Variants in SMYD3 observed in about 807,000 individuals in gnomAD.
The protein encoded by SMYD3 is SET and MYND domain containing 3, also known as histone-lysine N-methyltransferase SMYD3.
In SMYD3, 36 loss-of-function variants were observed where a neutral mutation model predicts 57.7. That is an observed-to-expected ratio of 0.62 (90% confidence interval 0.48 to 0.82). The LOEUF is 0.82. Among genes scored for constraint, SMYD3 ranks in the 40% least tolerant of loss-of-function variants. The probability of loss-of-function intolerance (pLI) is 0.00; values close to 1 mark genes in which losing one functional copy is unlikely to be tolerated. For missense variants in SMYD3, 515 were observed against 538.8 expected (o/e 0.96, Z 0.44); for synonymous variants, 211 against 195.0 (o/e 1.08, Z -0.68).
intron 5 of SMYD3, among the ~76,000 whole-genome samples, chr1:246,265,035 G>A (rs556068726): frequency 1.3e-5 from 2 of 152,162 alleles, no homozygotes; most frequent in African/African-American, 2.4e-5. Context: ...GCATGCTAAT[G>A]AAATAATCCT....
At chr1:246,116,841 A>C (rs141811003) in intron 5 of SMYD3, among the ~76,000 whole-genome samples, 2,494 of 152,292 alleles carry the variant, frequency 0.016, 73 homozygotes, top group African/African-American at 0.058. Flanking sequence ...TCCTTTCAAC[A>C]AACGGGAAAA....
intron 5 of SMYD3, among the ~76,000 whole-genome samples, chr1:245,951,240 C>T (rs780458663): frequency 1.3e-5 from 2 of 151,856 alleles, no homozygotes; most frequent in Non-Finnish European, 1.5e-5. Flanking sequence ...CAGAAAGATG[C>T]GGGGGTGAAT....
At chr1:246,122,043 T>C (rs2061432420) in intron 5 of SMYD3, among the ~76,000 whole-genome samples, 1 of 148,554 alleles carries the variant, frequency 6.7e-6, no homozygotes, top group Non-Finnish European at 1.5e-5. Context: ...CCTTGCAGAA[T>C]GAACAGGAAG....
intron 1 of SMYD3, among the ~76,000 whole-genome samples, chr1:246,457,564 GAAAAGAAAAGA>G (rs2067722361): frequency 7.4e-6 from 1 of 134,596 alleles, no homozygotes; most frequent in African/African-American, 2.7e-5. Context: ...GAAAAGAAAA[GAAAAGAAAAGA>G]AAAAGAAAAA....
At chr1:245,782,900 T>C (rs1036677164) in intron 10 of SMYD3, among the ~76,000 whole-genome samples, 9 of 152,200 alleles carry the variant, frequency 5.9e-5, no homozygotes, top group Admixed American at 3.9e-4. Context: ...AGGGTAAGAC[T>C]GCCTGGCTGA....
chr1:246,331,947 G>A (rs1208323296), intron 3 of SMYD3, among the ~76,000 whole-genome samples: 1 of 143,482 alleles, frequency 7.0e-6, no homozygotes, highest in Non-Finnish European at 1.5e-5. Flanking sequence ...TAAATGTTGT[G>A]CGTGTTCTCA....
chr1:246,096,052 T>C (rs1472421556), intron 5 of SMYD3, among the ~76,000 whole-genome samples: 3 of 152,200 alleles, frequency 2.0e-5, no homozygotes, highest in African/African-American at 7.2e-5. Flanking sequence ...ACATAAAATA[T>C]TTCCCCCATG....
chr1:246,331,140 A>G (rs985513826), intron 3 of SMYD3, among the ~76,000 whole-genome samples: 2 of 152,228 alleles, frequency 1.3e-5, no homozygotes, highest in Non-Finnish European at 1.5e-5. Context: ...GTCTCAAAAA[A>G]GAAAAAAAGG....
intron 1 of SMYD3, among the ~76,000 whole-genome samples, chr1:246,440,977 G>A (rs1172250197): frequency 6.6e-6 from 1 of 152,118 alleles, no homozygotes; most frequent in Non-Finnish European, 1.5e-5. Context: ...AGGCCACTGG[G>A]AATTACACAC....
intron 1 of SMYD3, among the ~76,000 whole-genome samples, chr1:246,423,280 G>C (rs1572487594): frequency 6.9e-6 from 1 of 144,672 alleles, no homozygotes. Flanking sequence ...CTGGGCAATA[G>C]AGTGAGACTC....
At chr1:246,440,972 A>C (rs192784857) in intron 1 of SMYD3, among the ~76,000 whole-genome samples, 134 of 152,236 alleles carry the variant, frequency 8.8e-4, no homozygotes, top group African/African-American at 2.7e-3. Flanking sequence ...GTTGAAGGCC[A>C]CTGGGAATTA....
At chr1:246,295,297 A>C (rs569336652) in intron 5 of SMYD3, among the ~76,000 whole-genome samples, 2 of 152,314 alleles carry the variant, frequency 1.3e-5, no homozygotes, top group South Asian at 4.1e-4. Flanking sequence ...GCAGCATAAA[A>C]GATCCTACCC....
intron 5 of SMYD3, among the ~76,000 whole-genome samples, chr1:246,153,216 T>C (rs2061971423): frequency 6.6e-6 from 1 of 152,048 alleles, no homozygotes; most frequent in Non-Finnish European, 1.5e-5. Flanking sequence ...CCAACCCCCA[T>C]AAACAGCATT....
intron 8 of SMYD3, among the ~76,000 whole-genome samples, chr1:245,912,074 C>T (rs898025195): frequency 6.6e-6 from 1 of 152,008 alleles, no homozygotes; most frequent in Non-Finnish European, 1.5e-5. Flanking sequence ...ACATTGTCCT[C>T]CCTTTGCAGA....
intron 5 of SMYD3, chr1:246,326,711 C>T (rs2065359210): frequency 3.5e-6 from 1 of 287,178 alleles, no homozygotes. Flanking sequence ...TTGCAGTGAG[C>T]CGAGATCGCA....
At chr1:246,462,874 A>G (rs928550361) in intron 1 of SMYD3, among the ~76,000 whole-genome samples, 34 of 152,156 alleles carry the variant, frequency 2.2e-4, no homozygotes, top group African/African-American at 7.5e-4. Context: ...AATTGAGTAG[A>G]AAAAAAGAAA....
At chr1:246,049,498 G>A (rs554886681) in intron 5 of SMYD3, among the ~76,000 whole-genome samples, 51 of 151,672 alleles carry the variant, frequency 3.4e-4, no homozygotes, top group African/African-American at 1.1e-3. Context: ...GTAGAGACGG[G>A]GTTTCACCGT....
At chr1:245,913,340 C>G in intron 8 of SMYD3, among the ~76,000 whole-genome samples, 1 of 145,650 alleles carries the variant, frequency 6.9e-6, no homozygotes, top group Non-Finnish European at 1.5e-5. Context: ...GGAAGGGGAA[C>G]ATCACACACC....
intron 5 of SMYD3, among the ~76,000 whole-genome samples, chr1:246,027,332 G>A (rs534269730): frequency 5.3e-5 from 8 of 152,312 alleles, no homozygotes; most frequent in Non-Finnish European, 5.9e-5. Flanking sequence ...AGATGAAACC[G>A]CCTTATATTG....
Sources: gnomAD v4.1 joint callset for allele counts (sites outside exome capture counted in the v4.1 genomes callset) on GRCh38, gnomAD v4.1.1 for gene constraint, MANE v1.5 for transcripts, NCBI Gene and HGNC (gene_info 2026-07-23, HGNC 2026-07-21) for gene names.